PRH1: variants seen among roughly 807,000 people sequenced by gnomAD.
PRH1 encodes the protein salivary acidic proline-rich phosphoprotein 1/2.
In PRH1, 7 loss-of-function variants were observed where a neutral mutation model predicts 7.9. That is an observed-to-expected ratio of 0.89 (90% CI 0.50 to 1.67). The LOEUF is 1.67. PRH1 is among the 40% of genes most tolerant of loss of function. The pLI, the probability that PRH1 is intolerant of heterozygous loss-of-function variation, is 0.00. For missense variants in PRH1, 109 were observed against 223.6 expected (o/e 0.49, Z 3.27); for synonymous variants, 45 against 80.8 (o/e 0.56, Z 2.38).
chr12:11,086,973 T>C (rs1258947076), intron 1 of PRH1, among the ~76,000 whole-genome samples: 1 of 117,320 alleles, frequency 8.5e-6, no homozygotes, highest in Non-Finnish European at 2.0e-5. Flanking sequence ...TTAATTTTGT[T>C]AGGAGTTAAT....
chr12:10,969,434 TG>T (rs1938682242), intron 2 of PRH1, among the ~76,000 whole-genome samples: 1 of 152,130 alleles, frequency 6.6e-6, no homozygotes, highest in Admixed American at 6.5e-5. Context: ...GGCTTGAGAG[TG>T]GGGCTTTAGC....
chr12:11,067,455 G>A (rs1287077870), intron 1 of PRH1, among the ~76,000 whole-genome samples: 1 of 152,080 alleles, frequency 6.6e-6, no homozygotes, highest in Non-Finnish European at 1.5e-5. Flanking sequence ...TAAGAAAAAA[G>A]GTGTTTAGCT....
In PRH1 at chr12:10,918,422, C is replaced by CAA. The variant is rs199660309; in HGVS notation, c.-58-34149_-58-34148dup. 2.0e-5 allele frequency among the ~76,000 whole-genome samples: 3 copies of CAA among 148,418 alleles called. No individual in the cohort carries two copies. The South Asian group carries it at 6.4e-4, about 32-fold the overall frequency. The stretch of plus-strand genomic sequence containing the variant: ...TAAAAGATCCACATGATCAAAAATG[C>CAA]AAAAAAAAATAAATTATCCAACTTC... On this transcript the variant is annotated intron_variant, in intron 2 of 3. Transcript: ENST00000539853.
rs376028333 is a variant in PRH1, at chr12:11,019,209, T to C, written c.-126+27811A>G. On this transcript the variant is annotated intron_variant, in intron 1 of 3. Coordinates refer to the PRH1 transcript ENST00000539853. Reference sequence around the variant, plus strand: ...TCTCTCTTCCACGGACTAATATTTGTTGTGGCTTCCCCTTGTAACCCTTCT... The same window carrying C: ...TCTCTCTTCCACGGACTAATATTTGCTGTGGCTTCCCCTTGTAACCCTTCT... Among the ~76,000 whole-genome samples, 31 of 152,402 alleles carry C rather than the reference T, an allele frequency of 2.0e-4. No individual in the cohort carries two copies. The East Asian group carries it at 4.2e-3, about 21-fold the overall frequency.
intron 1 of PRH1, among the ~76,000 whole-genome samples, chr12:11,150,441 C>T (rs1264545696): frequency 6.6e-6 from 1 of 152,010 alleles, no homozygotes; most frequent in African/African-American, 2.4e-5. Flanking sequence ...CAATGATAGA[C>T]TGGATTAAGA....
intron 3 of PRH1, 110 bp downstream of exon 3, chr12:10,882,107 T>A: frequency 6.5e-7 from 1 of 1,534,214 alleles, no homozygotes; most frequent in Non-Finnish European, 8.7e-7. Context: ...TTTAGAAATG[T>A]GTTCCAGGAC....
intron 1 of PRH1, among the ~76,000 whole-genome samples, chr12:11,136,009 A>G (rs1269240426): frequency 6.6e-6 from 1 of 152,218 alleles, no homozygotes; most frequent in Non-Finnish European, 1.5e-5. Flanking sequence ...TAAACATTCA[A>G]GTAACCATTA....
intron 2 of PRH1, among the ~76,000 whole-genome samples, chr12:10,905,725 T>C (rs1949793643): frequency 1.3e-5 from 2 of 151,984 alleles, no homozygotes; most frequent in African/African-American, 4.8e-5. Flanking sequence ...TAGAATACTA[T>C]GTAGCCATTA....
At chr12:11,031,710 G>A (rs914437328) in intron 1 of PRH1, among the ~76,000 whole-genome samples, 1 of 152,094 alleles carries the variant, frequency 6.6e-6, no homozygotes, top group African/African-American at 2.4e-5. Flanking sequence ...ATTTTAGAGC[G>A]ATTGGTGCAT....
intron 2 of PRH1, among the ~76,000 whole-genome samples, chr12:10,961,532 G>A (rs1309599718): frequency 2.0e-5 from 3 of 151,518 alleles, no homozygotes; most frequent in Non-Finnish European, 4.4e-5. Context: ...GGTACAAGGA[G>A]TAGACAGTAT....
chr12:11,129,862 T>C (rs1946278255), intron 1 of PRH1, among the ~76,000 whole-genome samples: 1 of 152,278 alleles, frequency 6.6e-6, no homozygotes, highest in South Asian at 2.1e-4. Context: ...GTATTGATAA[T>C]ATTACAGACC....
chr12:11,114,486 A>C (rs1592040313), intron 1 of PRH1, among the ~76,000 whole-genome samples: 1 of 152,122 alleles, frequency 6.6e-6, no homozygotes, highest in East Asian at 1.9e-4. Flanking sequence ...GACACAGGGA[A>C]CGTCACACAA....
chr12:11,171,372 G>A, intron 1 of PRH1: 1 of 1,231,938 alleles, frequency 8.1e-7, no homozygotes, highest in Non-Finnish European at 1.0e-6. Flanking sequence ...CCCCGCGGCG[G>A]CTCCGTCCTC....
intron 2 of PRH1, chr12:10,894,971 T>C (rs961226399): frequency 3.3e-5 from 5 of 152,186 alleles, no homozygotes; most frequent in African/African-American, 9.6e-5. Flanking sequence ...TATGTCCTTT[T>C]TGGCATACTT....
chr12:10,905,361 C>T (rs569019458), intron 2 of PRH1, among the ~76,000 whole-genome samples: 42 of 152,104 alleles, frequency 2.8e-4, no homozygotes, highest in South Asian at 8.3e-4. Context: ...AATCAACCTA[C>T]GTGCCCATCA....
intron 2 of PRH1, among the ~76,000 whole-genome samples, chr12:10,953,264 C>T (rs1359573302): frequency 6.6e-6 from 1 of 151,604 alleles, no homozygotes; most frequent in Non-Finnish European, 1.5e-5. Context: ...AGTTCCCTCC[C>T]ATGCTGAAAA....
At chr12:11,022,559 G>T (rs750313121) in intron 1 of PRH1, 1 of 1,605,264 alleles carries the variant, frequency 6.2e-7, no homozygotes, top group Non-Finnish European at 8.5e-7. Context: ...ATGATGAGCA[G>T]AAAACACATC....
At chr12:10,931,254 T>C (rs1950208702) in intron 2 of PRH1, 5 of 1,376,478 alleles carry the variant, frequency 3.6e-6, no homozygotes, top group African/African-American at 2.9e-5. Context: ...TTTTAAACAA[T>C]CTCTTGAAGG....
At chr12:10,939,551 GTT>G (rs60186756) in intron 2 of PRH1, among the ~76,000 whole-genome samples, 28,720 of 123,112 alleles carry the variant, frequency 0.23, 2,460 homozygotes, top group Admixed American at 0.26. Flanking sequence ...TGGTTTGTGT[GTT>G]TTTTTTTTTT....
Sources: gnomAD v4.1 joint callset for allele counts (sites outside exome capture counted in the v4.1 genomes callset) on GRCh38, gnomAD v4.1.1 for gene constraint, MANE v1.5 for transcripts, NCBI Gene and HGNC (gene_info 2026-07-23, HGNC 2026-07-21) for gene names.